Variants in PDE1C observed in about 807,000 individuals in gnomAD.
PDE1C encodes phosphodiesterase 1C.
Under a neutral mutation model 93.1 loss-of-function variants are expected in PDE1C, and 62 were observed. That is an observed-to-expected ratio of 0.67 (90% CI 0.54 to 0.82). The LOEUF is 0.82. PDE1C is among the 40% of genes least tolerant of loss of function. The pLI is 0.00. For synonymous variants in PDE1C, 325 were observed against 310.1 expected (o/e 1.05, Z -0.50); for missense variants, 742 against 884.6 (o/e 0.84, Z 2.04).
chr7:32,331,474 A>T (rs1783513760), intron 1 of PDE1C, among the ~76,000 whole-genome samples: 1 of 152,246 alleles, frequency 6.6e-6, no homozygotes, highest in African/African-American at 2.4e-5. Flanking sequence ...GTCATGAGGA[A>T]TAATAACAGG....
chr7:31,642,840 G>C, the PDE1C span: 1 of 1,614,002 alleles, frequency 6.2e-7, no homozygotes, highest in Non-Finnish European at 8.5e-7. Context: ...GCCAAGAAGC[G>C]AATGCCTTGG....
chr7:32,336,040 C>T (rs1233619976), intron 1 of PDE1C, among the ~76,000 whole-genome samples: 1 of 152,156 alleles, frequency 6.6e-6, no homozygotes, highest in African/African-American at 2.4e-5. Flanking sequence ...ATCTGAGATA[C>T]TGGGAGTTAG....
chr7:31,921,305 G>C (rs1802593443), intron 2 of PDE1C, among the ~76,000 whole-genome samples: 2 of 152,210 alleles, frequency 1.3e-5, no homozygotes, highest in Non-Finnish European at 2.9e-5. Flanking sequence ...GGGAGTGAGA[G>C]AGATGGGCAT....
the PDE1C span, among the ~76,000 whole-genome samples, chr7:31,713,178 C>T: frequency 6.6e-6 from 1 of 152,196 alleles, no homozygotes; most frequent in South Asian, 2.1e-4. Flanking sequence ...CTAGATACTT[C>T]CTGGATACAA....
intron 2 of PDE1C, among the ~76,000 whole-genome samples, chr7:31,989,350 T>C (rs1783869820): frequency 6.6e-6 from 1 of 152,150 alleles, no homozygotes; most frequent in African/African-American, 2.4e-5. Context: ...ACTCAGTAAA[T>C]GTCTGCTGTT....
intron 2 of PDE1C, among the ~76,000 whole-genome samples, chr7:32,205,674 T>G (rs1805398797): frequency 6.6e-6 from 1 of 152,192 alleles, no homozygotes; most frequent in Non-Finnish European, 1.5e-5. Flanking sequence ...TGCAATGAAT[T>G]TTCCTGCTGC....
intron 1 of PDE1C, among the ~76,000 whole-genome samples, chr7:32,356,448 G>A (rs1784030926): frequency 6.6e-6 from 1 of 152,208 alleles, no homozygotes; most frequent in Non-Finnish European, 1.5e-5. Flanking sequence ...GTGGACACAA[G>A]ACCATGAAGA....
At chr7:31,813,163 G>A (rs574418630) in intron 15 of PDE1C, among the ~76,000 whole-genome samples, 5 of 152,226 alleles carry the variant, frequency 3.3e-5, no homozygotes, top group African/African-American at 1.2e-4. Context: ...AGAAAAAGCA[G>A]AGGGAAGAAA....
At chr7:31,813,386 C>T (rs530435198) in intron 15 of PDE1C, among the ~76,000 whole-genome samples, 43 of 152,236 alleles carry the variant, frequency 2.8e-4, no homozygotes, top group Admixed American at 7.2e-4. Context: ...CTGTGCCTGG[C>T]TATACAGTGT....
At chr7:31,819,690 C>A (rs1016271355) in intron 14 of PDE1C, among the ~76,000 whole-genome samples, 5 of 152,058 alleles carry the variant, frequency 3.3e-5, no homozygotes, top group African/African-American at 1.2e-4. Context: ...CAGTTCTACC[C>A]CACAATGCAT....
chr7:32,179,238 C>T (rs924800138), intron 2 of PDE1C, among the ~76,000 whole-genome samples: 2 of 150,022 alleles, frequency 1.3e-5, no homozygotes, highest in African/African-American at 4.9e-5. Context: ...TTTGCCTTAT[C>T]GCAACTAGGA....
chr7:31,982,240 A>T (rs535148501), intron 2 of PDE1C, among the ~76,000 whole-genome samples: 1 of 152,334 alleles, frequency 6.6e-6, no homozygotes, highest in East Asian at 1.9e-4. Flanking sequence ...GTTGTCACTG[A>T]TGTTACACCA....
intron 3 of PDE1C, among the ~76,000 whole-genome samples, chr7:32,082,527 T>A (rs1796753641): frequency 6.6e-6 from 1 of 152,250 alleles, no homozygotes. Flanking sequence ...GCTGGAGATC[T>A]GAGAACGGGC....
Position 31,873,304 on chromosome 7 carries a change from G to C in PDE1C, c.597C>G (p.Ile199Met), listed in dbSNP as rs1796159498. 1 of 1,604,212 alleles carries C rather than the reference G, an allele frequency of 6.2e-7. No homozygotes were observed. The highest frequency in any genetic ancestry group is 2.2e-5 in the East Asian group (1 of 44,746). ...AAGAGGTACTGACCTTGAAACGGCT[G>C]ATCAGATCATAACGTGTGAGTAGTT... ...FYELLTRYDL[I>M]SRFKIPISAL... is the part of the protein sequence containing the mutation. The change falls in exon 6 of 18, where the codon ATC becomes ATG. Residue 199 changes from isoleucine (I) to methionine (M), a missense_variant. This residue lies in a region of PDE1C where 205 missense variants were observed against 295.3 expected (regional missense o/e 0.69). Coordinates refer to ENST00000396191, the MANE Select transcript of PDE1C (RefSeq NM_001191057.4).
At chr7:32,350,576 A>C (rs1562686567) in intron 1 of PDE1C, among the ~76,000 whole-genome samples, 1 of 872 alleles carries the variant, frequency 1.1e-3, no homozygotes, top group African/African-American at 1.5e-3. Context: ...ATATATATAT[A>C]TATATATATA....
At chr7:32,321,098 C>A (rs1783282329) in intron 1 of PDE1C, among the ~76,000 whole-genome samples, 1 of 152,194 alleles carries the variant, frequency 6.6e-6, no homozygotes, top group Admixed American at 6.5e-5. Context: ...CTCTCATCAG[C>A]TGAAGAACAA....
At chr7:31,663,329 C>T in the PDE1C span, among the ~76,000 whole-genome samples, 2 of 152,136 alleles carry the variant, frequency 1.3e-5, no homozygotes, top group African/African-American at 4.8e-5. Context: ...CTTGCCACCG[C>T]GTTGTAATGC....
rs1056865082 is a variant in PDE1C at position 32,121,529 on chromosome 7, C to T, written c.308+48256G>A. 2.0e-5 allele frequency among the ~76,000 whole-genome samples: 3 copies of T among 152,180 alleles called. No homozygotes were observed. The South Asian group carries it at 6.2e-4, about 32-fold the overall frequency. ...GAAGCCTAACAGACTAACAACAGAC[C>T]TTTCAGCAGAAACCCTACAAGCAAG... On this transcript the variant is annotated intron_variant, in intron 3 of 18. Coordinates refer to the PDE1C transcript ENST00000396193.
intron 3 of PDE1C, among the ~76,000 whole-genome samples, chr7:32,105,516 T>A (rs1191636616): frequency 6.6e-6 from 1 of 152,148 alleles, no homozygotes; most frequent in African/African-American, 2.4e-5. Flanking sequence ...GTTTAGTCTT[T>A]GTGGATGATA....
Sources: allele counts gnomAD v4.1 joint callset (sites outside exome capture counted in the v4.1 genomes callset), GRCh38; gene constraint gnomAD v4.1.1; regional missense constraint gnomAD v4.1.1; transcripts MANE v1.5; gene names NCBI Gene and HGNC (gene_info 2026-07-23, HGNC 2026-07-21).